RAD54L2: variants seen among roughly 807,000 people sequenced by gnomAD.
The protein encoded by RAD54L2 is helicase ARIP4.
In RAD54L2, 27 loss-of-function variants were observed where a neutral mutation model predicts 138.4. That is an observed-to-expected ratio of 0.20 (90% CI 0.14 to 0.27). RAD54L2 has a LOEUF of 0.27. Ranked by LOEUF, RAD54L2 falls within the 10% of genes least tolerant of loss-of-function variation. The pLI is 1.00. For synonymous variants in RAD54L2, 644 were observed against 723.2 expected (o/e 0.89, Z 1.76); for missense variants, 1,396 against 1,890.2 (o/e 0.74, Z 4.85).
Position 51,633,690 on chromosome 3 carries a change from G to A in RAD54L2, c.939G>A (p.Leu313=). The A allele has an allele frequency of 6.2e-7, 1 of 1,614,002 alleles. No homozygotes were observed. The highest frequency in any genetic ancestry group is 8.5e-7 in the Non-Finnish European group (1 of 1,179,888). Residue 313 remains leucine (L), a synonymous_variant, in exon 8 of 23, where the codon TTG becomes TTA. Transcript: ENST00000684192. The stretch of plus-strand genomic sequence containing the variant: ...ACAGCATGGGTCTGGGGAAAACTTT[G>A]CAAGTGATCTCTTTCATCGACGTCC... ...LAHSMGLGKT[L]QVISFIDVLF...
chr3:51,637,583 A>G lies in RAD54L2; in HGVS notation c.1682+80A>G, dbSNP rs1162902710. The G allele has an allele frequency of 2.8e-6, 4 of 1,403,538 alleles. No homozygotes were observed. Among genetic ancestry groups the G allele is most frequent in the Non-Finnish European group, 2.9e-6 (3 of 1,039,182 alleles). The allele number at this position is 1,403,538 out of a possible 1,614,324, so 86.9% of individuals were successfully genotyped here. On this transcript the variant is annotated intron_variant, in intron 11 of 22. Transcript: ENST00000684192. This position sits in a 1 kb window ranked among gnomAD's most constrained non-coding sequence, Gnocchi z 5.9. ...GGGCATGCCAAACCTGTTATACAGG[A>G]TAGGGTGTTGGAGTAGGAGGGCCCC...
At chr3:51,641,446 A>G (rs2106818170) in intron 14 of RAD54L2, among the ~76,000 whole-genome samples, 1 of 151,146 alleles carries the variant, frequency 6.6e-6, no homozygotes, top group African/African-American at 2.4e-5. Context: ...CCTCCCAAAT[A>G]GCTGGGATTA....
At chr3:51,572,567 A>G (rs1187193279) in intron 2 of RAD54L2, among the ~76,000 whole-genome samples, 2 of 151,044 alleles carry the variant, frequency 1.3e-5, no homozygotes, top group African/African-American at 2.4e-5. Context: ...GCAGTGAGCT[A>G]TGATTGTGCC....
Position 51,646,496 on chromosome 3 carries a change from G to A in RAD54L2, c.3026+15G>A. ...CAGAGAAACTGGTGAGTTGCTGAAA[G>A]GGGAGGGTCTGCTGCTGGGCCAGGC... On this transcript the variant is annotated intron_variant, in intron 19 of 22. Coordinates refer to ENST00000684192, the MANE Select transcript of RAD54L2 (RefSeq NM_015106.4). 1 of 1,592,418 alleles carries A rather than the reference G, an allele frequency of 6.3e-7. No individual in the cohort carries two copies. The highest frequency in any genetic ancestry group is 8.6e-7 in the Non-Finnish European group (1 of 1,167,292).
At chr3:51,609,042 C>G (rs1700272683) in intron 3 of RAD54L2, among the ~76,000 whole-genome samples, 1 of 152,148 alleles carries the variant, frequency 6.6e-6, no homozygotes, top group African/African-American at 2.4e-5. Flanking sequence ...AGGTGCCCAC[C>G]ACCACACTCG....
In RAD54L2 at chr3:51,555,779, G is replaced by A. The variant is rs941846447; in HGVS notation, c.-55+14129G>A. Among the ~76,000 whole-genome samples the A allele has an allele frequency of 5.9e-5, 9 of 152,044 alleles. 1 individual carries two copies. The South Asian group carries it at 1.2e-3, about 21-fold the overall frequency. On this transcript the variant is annotated intron_variant, in intron 2 of 22. Transcript: ENST00000684192. ...ATTTTACAGTTAGATCCATTTCATC[G>A]ACAGTAATGAAAGAGTATATGCTCG...
At chr3:51,574,966 T>A (rs1699431669) in intron 2 of RAD54L2, among the ~76,000 whole-genome samples, 2 of 152,204 alleles carry the variant, frequency 1.3e-5, no homozygotes. Context: ...CTTCTAGGGT[T>A]TTTTTGGTTT....
chr3:51,658,323 G>A (rs2106850909), intron 21 of RAD54L2, among the ~76,000 whole-genome samples: 1 of 151,868 alleles, frequency 6.6e-6, no homozygotes. Context: ...TGGGTTATAA[G>A]CCTACATACA....
intron 5 of RAD54L2, 121 bp from the exon 6 acceptor site, chr3:51,630,151 T>C: frequency 1.4e-6 from 1 of 709,310 alleles, no homozygotes; most frequent in Non-Finnish European, 2.4e-6. Flanking sequence ...GCTCTGCTTC[T>C]CTTCTCAGTG....
intron 3 of RAD54L2, among the ~76,000 whole-genome samples, chr3:51,625,409 A>T (rs1332375965): frequency 6.6e-6 from 1 of 152,028 alleles, no homozygotes; most frequent in East Asian, 1.9e-4. Flanking sequence ...CAAGAGTGAA[A>T]CTCCATCTCA....
At chr3:51,623,980 C>CAAAAAAAAAAAAAA (rs35064930) in intron 3 of RAD54L2, among the ~76,000 whole-genome samples, 3 of 74,044 alleles carry the variant, frequency 4.1e-5, no homozygotes, top group African/African-American at 5.3e-5. Flanking sequence ...CTCCGTCTCA[C>CAAAAAAAAAAAAAA]AAAAAAAAAA....
Position 51,577,761 on chromosome 3 carries a change from T to C in RAD54L2, c.-54-12606T>C, listed in dbSNP as rs149543885. ...TGTCTCTGCTTTGGCTCACACTCCG[T>C]GGGCTCCACCCAGTGTCCGACAAGC... On this transcript the variant is annotated intron_variant, in intron 2 of 22. Transcript: ENST00000684192. Among the ~76,000 whole-genome samples, 217 of 152,250 alleles carry C rather than the reference T, an allele frequency of 1.4e-3. 6 individuals are homozygous for C. In the East Asian group the frequency reaches 0.039, roughly 27 times the overall value.
intron 3 of RAD54L2, among the ~76,000 whole-genome samples, chr3:51,602,346 T>C (rs1700098363): frequency 6.6e-6 from 1 of 152,190 alleles, no homozygotes; most frequent in African/African-American, 2.4e-5. Flanking sequence ...AGTGGCACTT[T>C]GGTAAAGATC....
rs1700063848 is a variant in RAD54L2 at position 51,600,795 on chromosome 3, T to C, written c.139+10236T>C. On this transcript the variant is annotated intron_variant, in intron 3 of 22. Transcript: ENST00000684192. ...AAGCCTGACCAATATCGTGAAACCC[T>C]GTCTCTACTAAAAATACAAAAATTA... 2.6e-5 allele frequency among the ~76,000 whole-genome samples: 4 copies of C among 152,150 alleles called. No homozygotes were observed. In the South Asian group the frequency reaches 8.3e-4, roughly 32 times the overall value.
At chr3:51,601,957 A>T (rs1480378101) in intron 3 of RAD54L2, among the ~76,000 whole-genome samples, 2 of 150,964 alleles carry the variant, frequency 1.3e-5, no homozygotes, top group East Asian at 3.9e-4. Context: ...CAGCCCCCTG[A>T]GTTGCCAGGA....
chr3:51,606,619 A>G (rs888769315), intron 3 of RAD54L2, among the ~76,000 whole-genome samples: 4 of 151,780 alleles, frequency 2.6e-5, no homozygotes, highest in East Asian at 1.9e-4. Context: ...AGATAGATAC[A>G]TATTTTCTTT....
intron 21 of RAD54L2, among the ~76,000 whole-genome samples, chr3:51,657,916 CTTTTTTTT>C (rs71084155): frequency 3.4e-5 from 3 of 87,408 alleles, no homozygotes; most frequent in East Asian, 4.5e-4. Context: ...ATCTTGCTGT[CTTTTTTTT>C]TTTTTTTTTT....
At chr3:51,657,448 T>C in intron 20 of RAD54L2, 132 bp from the exon 21 acceptor site, 1 of 550,794 alleles carries the variant, frequency 1.8e-6, no homozygotes. Flanking sequence ...TCCTTGGTTC[T>C]GGACCTCTGC....
At chr3:51,598,460 G>C (rs1168281355) in intron 3 of RAD54L2, among the ~76,000 whole-genome samples, 3 of 152,098 alleles carry the variant, frequency 2.0e-5, no homozygotes, top group Non-Finnish European at 4.4e-5. Flanking sequence ...TAGAGGGGAT[G>C]GGTGCGGTGG....
Sources: gnomAD v4.1 joint callset for allele counts (sites outside exome capture counted in the v4.1 genomes callset) on GRCh38, gnomAD v4.1.1 for gene constraint, Gnocchi (gnomAD v3.1) non-coding constraint, MANE v1.5 for transcripts, NCBI Gene and HGNC (gene_info 2026-07-23, HGNC 2026-07-21) for gene names.